Variants in PARN observed in about 807,000 individuals in gnomAD.
PARN encodes the protein poly(A)-specific ribonuclease.
Under a neutral mutation model 102.8 loss-of-function variants are expected in PARN, and 71 were observed. The observed-to-expected ratio is 0.69, with a 90% CI of 0.57 to 0.84. The LOEUF (loss-of-function observed/expected upper bound fraction) is 0.84. Ranked by LOEUF, PARN falls within the 40% of genes least tolerant of loss-of-function variation. PARN has a pLI of 0.00. For synonymous variants in PARN, 261 were observed against 252.9 expected (o/e 1.03, Z -0.30); for missense variants, 782 against 760.9 (o/e 1.03, Z -0.33).
intron 22 of PARN, among the ~76,000 whole-genome samples, chr16:14,463,168 G>C (rs1344584513): frequency 1.3e-5 from 2 of 152,196 alleles, no homozygotes; most frequent in Non-Finnish European, 2.9e-5. Flanking sequence ...GCACTGGGGA[G>C]ACTAGTTTGG....
intron 5 of PARN, among the ~76,000 whole-genome samples, chr16:14,619,798 G>A (rs1281125432): frequency 5.9e-5 from 9 of 151,850 alleles, no homozygotes; most frequent in Admixed American, 3.9e-4. Flanking sequence ...CAGGTTGAGT[G>A]TGATGGCTCA....
At chr16:14,571,461 A>G (rs1489961251) in intron 18 of PARN, among the ~76,000 whole-genome samples, 2 of 152,190 alleles carry the variant, frequency 1.3e-5, no homozygotes, top group African/African-American at 4.8e-5. Context: ...AACATATTCA[A>G]TCTTCTCCCT....
intron 21 of PARN, among the ~76,000 whole-genome samples, chr16:14,516,792 AC>A (rs1239005358): frequency 1.3e-5 from 2 of 152,220 alleles, no homozygotes; most frequent in African/African-American, 4.8e-5. Flanking sequence ...ATGTACACTT[AC>A]CTGTAAAACA....
intron 12 of PARN, among the ~76,000 whole-genome samples, chr16:14,594,133 C>T (rs1443235526): frequency 6.6e-6 from 1 of 152,156 alleles, no homozygotes; most frequent in Non-Finnish European, 1.5e-5. Context: ...CATACCAATG[C>T]TAAAAGGTAA....
chr16:14,472,236 T>C (rs542948668), intron 22 of PARN, among the ~76,000 whole-genome samples: 1 of 152,376 alleles, frequency 6.6e-6, no homozygotes, highest in East Asian at 1.9e-4. Flanking sequence ...TGGTTAATCA[T>C]TCTATTTTAT....
intron 23 of PARN, among the ~76,000 whole-genome samples, chr16:14,439,267 G>A (rs1223696746): frequency 6.6e-6 from 1 of 151,826 alleles, no homozygotes; most frequent in Non-Finnish European, 1.5e-5. Context: ...AGCTACCTAG[G>A]AGGCTGAGGT....
At chr16:14,618,622 G>A (rs1338977828) in intron 5 of PARN, among the ~76,000 whole-genome samples, 1 of 149,088 alleles carries the variant, frequency 6.7e-6, no homozygotes, top group Non-Finnish European at 1.5e-5. Flanking sequence ...GAGAGCCACT[G>A]CACTCCAGCC....
intron 22 of PARN, among the ~76,000 whole-genome samples, chr16:14,477,081 T>C (rs974683748): frequency 6.6e-6 from 1 of 152,148 alleles, no homozygotes; most frequent in Non-Finnish European, 1.5e-5. Context: ...AAACATACTT[T>C]CATTGTAAAG....
At chr16:14,447,436 T>C (rs1293805758) in intron 22 of PARN, among the ~76,000 whole-genome samples, 1 of 152,100 alleles carries the variant, frequency 6.6e-6, no homozygotes, top group Non-Finnish European at 1.5e-5. Flanking sequence ...GAAATAATAG[T>C]TTTGGTTACA....
rs1212232031 is a variant in PARN at position 14,599,991 on chromosome 16, T to C, written c.784-31A>G. On this transcript the variant is annotated intron_variant, in intron 11 of 23. Transcript: ENST00000437198. Reference sequence around the variant, plus strand: ...TAAAAAAATATATACATATGTATTATTGATGTATAAATATTCCTTATGTGA... The same window carrying C: ...TAAAAAAATATATACATATGTATTACTGATGTATAAATATTCCTTATGTGA... The C allele has an allele frequency of 4.8e-6, 6 of 1,244,338 alleles. No individual in the cohort carries two copies. In the East Asian group the frequency reaches 1.2e-4, roughly 25 times the overall value. The allele number at this position is 1,244,338 out of a possible 1,614,324, so 77.1% of individuals were successfully genotyped here. A position where few individuals can be genotyped will look rare whatever the true frequency, so the allele number is the denominator to read the frequency against.
intron 18 of PARN, among the ~76,000 whole-genome samples, chr16:14,558,743 C>T (rs1967865608): frequency 6.6e-6 from 1 of 152,148 alleles, no homozygotes; most frequent in Middle Eastern, 3.4e-3. Flanking sequence ...TTTAAAAAGG[C>T]ACAAAATTTT....
At chr16:14,480,422 C>T (rs559026902) in intron 22 of PARN, among the ~76,000 whole-genome samples, 5 of 152,232 alleles carry the variant, frequency 3.3e-5, no homozygotes, top group Admixed American at 6.5e-5. Context: ...AATACACGTG[C>T]AGCAAAAATA....
At chr16:14,566,100 G>GGC (rs1195998291) in intron 18 of PARN, among the ~76,000 whole-genome samples, 4 of 152,140 alleles carry the variant, frequency 2.6e-5, no homozygotes, top group African/African-American at 9.7e-5. Flanking sequence ...GCCTACAGTG[G>GGC]GCTGAATGGT....
chr16:14,460,500 T>C (rs912727993), intron 22 of PARN, among the ~76,000 whole-genome samples: 1 of 152,204 alleles, frequency 6.6e-6, no homozygotes, highest in Admixed American at 6.5e-5. Context: ...GTTTGAATCA[T>C]CTTCCAAAGG....
At chr16:14,458,157 T>C (rs1370771989) in intron 22 of PARN, among the ~76,000 whole-genome samples, 1 of 152,180 alleles carries the variant, frequency 6.6e-6, no homozygotes, top group African/African-American at 2.4e-5. Flanking sequence ...CAGAAAAGAT[T>C]GATGCAAACA....
rs939711087 is a variant in PARN at position 14,531,995 on chromosome 16, C to T, written c.1480+20026G>A. Among the ~76,000 whole-genome samples the T allele has an allele frequency of 7.2e-5, 11 of 151,754 alleles. No individual in the cohort carries two copies. In the South Asian group the frequency reaches 2.3e-3, roughly 32 times the overall value. The stretch of plus-strand genomic sequence containing the variant: ...GGAGGATCGCTTCAGCCCAGGAGTT[C>T]GAGGCTGCAGTGAGCTATGATCGCA... On this transcript the variant is annotated intron_variant, in intron 21 of 23. Coordinates refer to ENST00000437198, the MANE Select transcript of PARN (RefSeq NM_002582.4).
At chr16:14,441,211 A>G (rs1226726893) in intron 23 of PARN, among the ~76,000 whole-genome samples, 1 of 152,130 alleles carries the variant, frequency 6.6e-6, no homozygotes, top group Non-Finnish European at 1.5e-5. Context: ...CACAGCATCA[A>G]GTTGGGGGCT....
At chr16:14,520,187 T>G (rs1038607116) in intron 21 of PARN, among the ~76,000 whole-genome samples, 1 of 152,154 alleles carries the variant, frequency 6.6e-6, no homozygotes, top group Non-Finnish European at 1.5e-5. Flanking sequence ...CGAATAACCT[T>G]GCTTCTTCAA....
At chr16:14,514,443 C>T (rs1965357865) in intron 21 of PARN, among the ~76,000 whole-genome samples, 1 of 152,146 alleles carries the variant, frequency 6.6e-6, no homozygotes, top group Non-Finnish European at 1.5e-5. Flanking sequence ...GCCTCAGCCT[C>T]CCAAAGTGCT....
Sources: gnomAD v4.1 joint callset for allele counts (sites outside exome capture counted in the v4.1 genomes callset) on GRCh38, gnomAD v4.1.1 for gene constraint, MANE v1.5 for transcripts, NCBI Gene and HGNC (gene_info 2026-07-23, HGNC 2026-07-21) for gene names.